Variants in SPRY3 observed in about 807,000 individuals in gnomAD.
The protein encoded by SPRY3 is sprouty RTK signaling antagonist 3.
Under a neutral mutation model 20.2 loss-of-function variants are expected in SPRY3, and 15 were observed. The ratio of observed to expected loss-of-function variants is 0.74; its 90% CI spans 0.50 to 1.14. The LOEUF (loss-of-function observed/expected upper bound fraction) is 1.14. SPRY3 is among the 50% of genes most tolerant of loss of function. SPRY3 has a pLI of 0.00. For missense variants in SPRY3, 364 were observed against 363.9 expected (o/e 1.00, Z 0.00); for synonymous variants, 143 against 136.5 (o/e 1.05, Z -0.33).
chrX:155,760,229 C>CAAAG (rs2091298821), intron 2 of SPRY3, among the ~76,000 whole-genome samples: 1 of 152,112 alleles, frequency 6.6e-6, no homozygotes, highest in Non-Finnish European at 1.5e-5. Flanking sequence ...CTGTTTTCAA[C>CAAAG]AAAGACTTTA....
At chrX:155,705,638 T>C (rs1473777908) in intron 2 of SPRY3, among the ~76,000 whole-genome samples, 1 of 151,328 alleles carries the variant, frequency 6.6e-6, no homozygotes, top group East Asian at 1.9e-4. Context: ...ACTGTAAAGG[T>C]ATAGATATGT....
exon 4 of SPRY3, chrX:155,775,912 A>C (rs2091422401): frequency 6.0e-6 from 1 of 167,092 alleles, no homozygotes; most frequent in Admixed American, 6.5e-5. Context: ...CTTAACTATT[A>C]ATCTAGTTCA....
intron 2 of SPRY3, among the ~76,000 whole-genome samples, chrX:155,663,645 A>G (rs1157691465): frequency 9.0e-6 from 1 of 111,421 alleles, no homozygotes; most frequent in African/African-American, 3.3e-5. Context: ...GACCACTATC[A>G]TCAGCATCTC....
At chrX:155,765,987 CAT>C (rs1256078086) in intron 2 of SPRY3, among the ~76,000 whole-genome samples, 2 of 152,134 alleles carry the variant, frequency 1.3e-5, no homozygotes, top group African/African-American at 4.8e-5. Context: ...GTGCTTGACA[CAT>C]AGTTAATGTG....
chrX:155,743,665 G>A (rs889735300), intron 2 of SPRY3, among the ~76,000 whole-genome samples: 1 of 152,008 alleles, frequency 6.6e-6, no homozygotes, highest in Non-Finnish European at 1.5e-5. Context: ...TATATTTTGG[G>A]GGGTAAATTT....
intron 2 of SPRY3, among the ~76,000 whole-genome samples, chrX:155,706,443 C>A (rs2090951656): frequency 6.6e-6 from 1 of 150,418 alleles, no homozygotes; most frequent in Non-Finnish European, 1.5e-5. Flanking sequence ...CAGCTTCCAC[C>A]TAAGAAGTTC....
intron 2 of SPRY3, among the ~76,000 whole-genome samples, chrX:155,686,403 A>T (rs1458365424): frequency 2.7e-5 from 3 of 111,916 alleles, no homozygotes; most frequent in Non-Finnish European, 5.6e-5. Context: ...GATATTTTTT[A>T]GTCTTCTTTG....
downstream of SPRY3, chrX:155,780,112 G>A (rs2014677688): frequency 6.0e-6 from 1 of 166,918 alleles, no homozygotes; most frequent in Admixed American, 6.6e-5. Flanking sequence ...ATATATGTTT[G>A]CTCCCATATG....
At chrX:155,646,766 T>G (rs1557351923) in intron 1 of SPRY3, among the ~76,000 whole-genome samples, 2 of 111,299 alleles carry the variant, frequency 1.8e-5, no homozygotes, top group Non-Finnish European at 3.8e-5. Context: ...ACTCAGCTTC[T>G]TTTTATTTCC....
At chrX:155,771,764 G>A (rs2091383196) in intron 3 of SPRY3, among the ~76,000 whole-genome samples, 1 of 152,160 alleles carries the variant, frequency 6.6e-6, no homozygotes, top group Non-Finnish European at 1.5e-5. Flanking sequence ...GGTAGAGGTG[G>A]CAGGTTGCAT....
chrX:155,723,237 A>G (rs1361849449), intron 2 of SPRY3, among the ~76,000 whole-genome samples: 1 of 152,184 alleles, frequency 6.6e-6, no homozygotes, highest in African/African-American at 2.4e-5. Context: ...GTTCCGCAAT[A>G]AACATACATG....
At chrX:155,643,684 T>A (rs1206472376) in intron 1 of SPRY3, among the ~76,000 whole-genome samples, 1 of 111,925 alleles carries the variant, frequency 8.9e-6, no homozygotes, top group African/African-American at 3.2e-5. Context: ...TTATAATCCA[T>A]TTTTTAAGCT....
At chrX:155,718,073 G>A (rs1270482311) in intron 2 of SPRY3, among the ~76,000 whole-genome samples, 1 of 152,038 alleles carries the variant, frequency 6.6e-6, no homozygotes, top group Admixed American at 6.6e-5. Flanking sequence ...TGTTTTTACT[G>A]GAATTTATAG....
chrX:155,727,662 G>C (rs970938934), intron 2 of SPRY3, among the ~76,000 whole-genome samples: 6 of 151,958 alleles, frequency 3.9e-5, no homozygotes, highest in African/African-American at 1.5e-4. Context: ...GTCATGTAAG[G>C]TCTTCTCTAC....
At chrX:155,730,749 A>G (rs1197549066) in intron 2 of SPRY3, among the ~76,000 whole-genome samples, 1 of 152,150 alleles carries the variant, frequency 6.6e-6, no homozygotes, top group Non-Finnish European at 1.5e-5. Flanking sequence ...ATATGATCTT[A>G]TATTTGGAAA....
intron 2 of SPRY3, among the ~76,000 whole-genome samples, chrX:155,745,285 T>C (rs986154557): frequency 6.6e-6 from 1 of 152,106 alleles, no homozygotes; most frequent in Non-Finnish European, 1.5e-5. Context: ...TATTCTTAAT[T>C]GTTTCTGTCA....
In SPRY3 at chrX:155,649,510, T is replaced by G. The variant is rs782475784; in HGVS notation, c.-440-7357T>G. 8.1e-5 allele frequency among the ~76,000 whole-genome samples: 9 copies of G among 111,115 alleles called. No individual in the cohort carries two copies. The East Asian group carries it at 2.5e-3, about 31-fold the overall frequency. ...AATCCATCACATAAACAGAACCAAT[T>G]ACAAAAACCACATGATTATCTCAAT... is the stretch of plus-strand genomic sequence containing the variant. On this transcript the variant is annotated intron_variant, in intron 1 of 3. Coordinates refer to ENST00000675360, the Ensembl canonical transcript of SPRY3.
At chrX:155,643,366 G>A (rs1026862123) in intron 1 of SPRY3, among the ~76,000 whole-genome samples, 7 of 111,288 alleles carry the variant, frequency 6.3e-5, no homozygotes, top group Non-Finnish European at 1.3e-4. Context: ...TAAGTGAAGC[G>A]TGTTTCTTGT....
intron 2 of SPRY3, among the ~76,000 whole-genome samples, chrX:155,657,780 A>G (rs964393971): frequency 8.9e-6 from 1 of 112,074 alleles, no homozygotes; most frequent in Non-Finnish European, 1.9e-5. Flanking sequence ...TGGTCTGCAG[A>G]TTGCAAAAAC....
Sources: gnomAD v4.1 joint callset for allele counts (sites outside exome capture counted in the v4.1 genomes callset) on GRCh38, gnomAD v4.1.1 for gene constraint, MANE v1.5 for transcripts, NCBI Gene and HGNC (gene_info 2026-07-23, HGNC 2026-07-21) for gene names.